The following ERCC6L2 variants were observed in gnomAD, a reference collection of about 807,000 sequenced individuals.
ERCC6L2 encodes ERCC excision repair 6 like 2, also known as DNA excision repair protein ERCC-6-like 2.
In ERCC6L2, 77 loss-of-function variants were observed where a neutral mutation model predicts 132.0. The ratio of observed to expected loss-of-function variants is 0.58; its 90% CI spans 0.49 to 0.71. The LOEUF (loss-of-function observed/expected upper bound fraction) is 0.71. Ranked by LOEUF, ERCC6L2 falls within the 30% of genes least tolerant of loss-of-function variation. ERCC6L2 has a pLI of 0.00. For synonymous variants in ERCC6L2, 583 were observed against 632.4 expected (o/e 0.92, Z 1.17); for missense variants, 1,542 against 1,837.6 (o/e 0.84, Z 2.94).
At chr9:95,907,836 C>CACACACACACACACACAA (rs1554741173) in intron 4 of ERCC6L2, among the ~76,000 whole-genome samples, 22 of 81,214 alleles carry the variant, frequency 2.7e-4, no homozygotes, top group African/African-American at 4.9e-4. Context: ...TACACACACA[C>CACACACACACACACACAA]ACACACACAC....
intron 17 of ERCC6L2, among the ~76,000 whole-genome samples, chr9:95,997,674 T>C (rs678244): frequency 0.65 from 99,386 of 152,094 alleles, 33,336 homozygotes; most frequent in African/African-American, 0.8. Flanking sequence ...AGAGGTATGC[T>C]TGTATTATCT....
At chr9:95,916,123 T>C in intron 5 of ERCC6L2, 104 bp from the exon 6 acceptor site, 1 of 1,093,794 alleles carries the variant, frequency 9.1e-7, no homozygotes, top group Non-Finnish European at 1.3e-6. Context: ...GCTTTTGTTT[T>C]TGTTACCGTT....
chr9:95,942,045 A>G (rs1331414611), intron 12 of ERCC6L2, among the ~76,000 whole-genome samples: 1 of 152,196 alleles, frequency 6.6e-6, no homozygotes, highest in African/African-American at 2.4e-5. Flanking sequence ...CTGACACCCT[A>G]CTTTACAGAG....
chr9:96,012,099 A>G, intron 18 of ERCC6L2, 126 bp from the exon 19 acceptor site: 1 of 538,904 alleles, frequency 1.9e-6, no homozygotes. Context: ...TGTGGAATTC[A>G]GCAGACGTAT....
At position 96,012,887 on chromosome 9, in the gene ERCC6L2, A is replaced by G; in HGVS notation, c.4337A>G (p.Asp1446Gly). The G allele has an allele frequency of 7.3e-7, 1 of 1,367,696 alleles. No individual in the cohort carries two copies. 84.7% of individuals were successfully genotyped at this position (1,367,696 alleles called of 1,614,324 possible). ...ISLLGDTSIL[D>G]DLFKSHGNSP... is the part of the protein sequence containing the mutation. The stretch of plus-strand genomic sequence containing the variant: ...TTACTTGGTGATACCTCTATTCTTG[A>G]TGACCTTTTTAAAAGTCATGGGAAC... Residue 1446 changes from aspartate (D) to glycine (G), a missense_variant, in exon 19 of 19, where the codon GAT becomes GGT. Asp to Gly is a moderately conservative substitution (Grantham distance 94, BLOSUM62 -1). Around this residue, in one of 4 missense-constraint regions of ERCC6L2, gnomAD observed 442 missense variants for 583.4 expected, o/e 0.76. Coordinates refer to ENST00000653738, the MANE Select transcript of ERCC6L2 (RefSeq NM_020207.7).
chr9:95,954,685 A>C (rs1458614936), intron 12 of ERCC6L2: 1 of 451,688 alleles, frequency 2.2e-6, no homozygotes, highest in Admixed American at 2.5e-5. Flanking sequence ...TTAAGCATAC[A>C]TCCAAAGGAC....
At position 95,921,268 on chromosome 9, in the gene ERCC6L2, C is replaced by T; in HGVS notation, c.1252C>T (p.Pro418Ser). 6.2e-7 allele frequency: 1 copy of T among 1,613,518 alleles called. No individual in the cohort carries two copies. Among genetic ancestry groups the T allele is most frequent in the South Asian group, 1.1e-5 (1 of 91,056 alleles). Residue 418 changes from proline to serine, a missense_variant, in exon 7 of 19, where the codon CCT becomes TCT. Transcript: ENST00000653738. ...GACTTTGATACTTCAATCTTCTGAG[C>T]CTTGTACCTGTAGGAGTGGCCAAAA... ...DVTLILQSSE[P>S]CTCRSGQKRR...
intron 11 of ERCC6L2, among the ~76,000 whole-genome samples, chr9:95,932,411 T>G (rs192347040): frequency 1.8e-4 from 28 of 152,280 alleles, no homozygotes; most frequent in African/African-American, 6.5e-4. Context: ...CTCTTTTGTT[T>G]TTGGAGTTAC....
At chr9:95,895,331 T>C (rs952450198) in intron 2 of ERCC6L2, among the ~76,000 whole-genome samples, 2 of 152,176 alleles carry the variant, frequency 1.3e-5, no homozygotes, top group African/African-American at 4.8e-5. Flanking sequence ...TTAAGAAGTT[T>C]TTCTTGTAAA....
chr9:96,000,470 T>C (rs1833627503), intron 17 of ERCC6L2, among the ~76,000 whole-genome samples: 1 of 152,258 alleles, frequency 6.6e-6, no homozygotes, highest in African/African-American at 2.4e-5. Context: ...CTTGTCACTT[T>C]TAAATCCCTT....
In ERCC6L2 at chr9:95,972,164, G is replaced by A. The variant is rs1448635039; in HGVS notation, c.2413G>A (p.Ala805Thr). 7.7e-7 allele frequency: 1 copy of A among 1,304,230 alleles called. No individual in the cohort carries two copies. The highest frequency in any genetic ancestry group is 1.0e-6 in the Non-Finnish European group (1 of 988,944). The allele number at this position is 1,304,230 out of a possible 1,614,324, so 80.8% of individuals were successfully genotyped here. The change falls in exon 16 of 19, where the codon GCA (alanine) becomes ACA (threonine). Residue 805 changes from alanine to threonine, a missense_variant. This residue lies in a region of ERCC6L2 where 945 missense variants were observed against 1,105.2 expected (regional missense o/e 0.86). Transcript: ENST00000653738. ...FSKLLETKCK[A>T]VEDSDGNTAS... ...GAAATTGCTTGAAACAAAATGTAAA[G>A]CAGTTGAGGATAGTGATGGAAATAC...
intron 8 of ERCC6L2, among the ~76,000 whole-genome samples, chr9:95,922,828 T>G (rs988010481): frequency 6.6e-6 from 1 of 152,190 alleles, no homozygotes; most frequent in Admixed American, 6.5e-5. Context: ...AATCAGTAAT[T>G]TCAAAGTTTA....
Position 95,955,953 on chromosome 9 carries a change from T to C in ERCC6L2, c.1887T>C (p.Leu629=), listed in dbSNP as rs531912873. The C allele has an allele frequency of 1.9e-5, 30 of 1,608,126 alleles. No individual in the cohort carries two copies. In the South Asian group the frequency reaches 3.1e-4, roughly 17 times the overall value. ...GACAATGTAGAGATGTCAAAGTGCTTAGGCTGATATCCTTGGGAACTGTGG... is the reference window on the plus strand; with the variant it reads ...GACAATGTAGAGATGTCAAAGTGCTCAGGCTGATATCCTTGGGAACTGTGG... ...RIGQCRDVKV[L]RLISLGTVEE... Residue 629 remains leucine (L), a synonymous_variant, in exon 13 of 19, where the codon CTT becomes CTC. Coordinates refer to ENST00000653738, the MANE Select transcript of ERCC6L2 (RefSeq NM_020207.7).
intron 14 of ERCC6L2, chr9:95,967,145 A>G (rs1398599605): frequency 1.3e-5 from 2 of 152,440 alleles, no homozygotes; most frequent in Admixed American, 6.5e-5. Flanking sequence ...TGTTCCCAAT[A>G]AAAATTCCAC....
At chr9:95,943,919 A>C (rs1165092126) in intron 12 of ERCC6L2, among the ~76,000 whole-genome samples, 1 of 152,198 alleles carries the variant, frequency 6.6e-6, no homozygotes, top group African/African-American at 2.4e-5. Context: ...TTGTTGATGG[A>C]AATGTCAAGT....
rs576853946 is a variant in ERCC6L2, at chr9:95,922,306, C to T, written c.1301C>T (p.Thr434Ile). Residue 434 changes from threonine (T) to isoleucine (I), a missense_variant and splice_region_variant, in exon 8 of 19, where the codon ACC becomes ATC. This residue lies in a region of ERCC6L2 where 945 missense variants were observed against 1,105.2 expected (regional missense o/e 0.86). Transcript: ENST00000653738. ...TTTTCTATATTTTTCTGGTTACAGA[C>T]CAATTCTCATGGTGAAACAGTGAAA... is the stretch of plus-strand genomic sequence containing the variant. ...GQKRRNCCYK[T>I]NSHGETVKTL... 7.0e-6 allele frequency: 11 copies of T among 1,580,978 alleles called. No homozygotes were observed. The South Asian group carries it at 8.9e-5, about 13-fold the overall frequency.
chr9:95,894,922 C>T (rs1025215253), intron 2 of ERCC6L2, among the ~76,000 whole-genome samples: 3 of 152,104 alleles, frequency 2.0e-5, no homozygotes, highest in African/African-American at 7.2e-5. Context: ...GTAACTATTT[C>T]GTGGGTACTT....
chr9:95,928,865 GT>G lies in ERCC6L2; in HGVS notation c.1751+2del, dbSNP rs754714720. On this transcript the variant is annotated splice_donor_variant, in intron 11 of 18. Coordinates refer to ENST00000653738, the MANE Select transcript of ERCC6L2 (RefSeq NM_020207.7). LOFTEE classifies it high-confidence loss of function. ...TTAACATTTGCCTTGTCTCTACAAT[GT>G]AAGAAAATTAAATTTAATAACTAGA... is the stretch of plus-strand genomic sequence containing the variant. 1 of 1,554,406 alleles carries G rather than the reference GT, an allele frequency of 6.4e-7. No individual in the cohort carries two copies. The highest frequency in any genetic ancestry group is 8.7e-7 in the Non-Finnish European group (1 of 1,152,166).
chr9:96,023,538 T>G (rs559821300), intron 19 of ERCC6L2, among the ~76,000 whole-genome samples: 1 of 152,186 alleles, frequency 6.6e-6, no homozygotes, highest in Non-Finnish European at 1.5e-5. Context: ...GTAGACATGC[T>G]TCATTCTTTT....
Sources: allele counts gnomAD v4.1 joint callset (sites outside exome capture counted in the v4.1 genomes callset), GRCh38; gene constraint gnomAD v4.1.1; regional missense constraint gnomAD v4.1.1; transcripts MANE v1.5; gene names NCBI Gene and HGNC (gene_info 2026-07-23, HGNC 2026-07-21).